PRDM10: variants seen among roughly 807,000 people sequenced by gnomAD.
The protein encoded by PRDM10 is PR domain zinc finger protein 10.
A neutral mutation model predicts 133.1 loss-of-function variants in PRDM10; 65 were observed. The ratio of observed to expected loss-of-function variants is 0.49; its 90% CI spans 0.40 to 0.60. PRDM10 has a LOEUF of 0.60. PRDM10 is among the 20% of genes least tolerant of loss of function. PRDM10 has a pLI of 0.00. For missense variants in PRDM10, 1,137 were observed against 1,507.1 expected, an observed-to-expected ratio of 0.75 and a Z score of 4.07; for synonymous variants, 582 against 580.4, an observed-to-expected ratio of 1.00 and a Z score of -0.04.
chr11:129,951,460 T>C (rs574911828), intron 4 of PRDM10, among the ~76,000 whole-genome samples: 34 of 152,344 alleles, frequency 2.2e-4, no homozygotes, highest in African/African-American at 8.2e-4. Context: ...AGTGTCTGTC[T>C]GTTTCACTTA....
rs1270734822 is a variant in PRDM10 at position 129,925,049 on chromosome 11, A to G, written c.1711T>C (p.Leu571=). The part of the protein sequence containing the change: ...CNKGFISSTS[L]ESHMKLHSDQ... ...GAGTGGAGCTTCATGTGGCTCTCCAAGGATGTGCTGCTGATGAAGCCCTTG... is the reference window on the plus strand; with the variant it reads ...GAGTGGAGCTTCATGTGGCTCTCCAGGGATGTGCTGCTGATGAAGCCCTTG... Residue 571 remains leucine (L), a synonymous_variant, in exon 12 of 21, where the codon TTG becomes CTG. Transcript: ENST00000360871. The G allele has an allele frequency of 1.9e-6, 3 of 1,614,234 alleles. No individual in the cohort carries two copies. Among genetic ancestry groups the G allele is most frequent in the East Asian group, 4.5e-5 (2 of 44,878 alleles).
chr11:129,983,481 G>A (rs187242290), intron 1 of PRDM10, among the ~76,000 whole-genome samples: 3 of 152,022 alleles, frequency 2.0e-5, no homozygotes, highest in African/African-American at 7.2e-5. Flanking sequence ...TGTATTTTTA[G>A]TAGAGACAGG....
intron 1 of PRDM10, among the ~76,000 whole-genome samples, chr11:129,996,037 A>C (rs1377781721): frequency 1.3e-5 from 2 of 152,242 alleles, no homozygotes; most frequent in Non-Finnish European, 2.9e-5. Flanking sequence ...CTTATCCCTC[A>C]AAACATTTTA....
At position 129,966,400 on chromosome 11, in the gene PRDM10, G is replaced by A. The variant is rs77682777; in HGVS notation, c.-118-5318C>T. Reference sequence around the variant, plus strand: ...ATAGGGATCTATTTTACAATCAGTGGCATCTTGCAGTTACTGTCATCCAGG... The same window carrying A: ...ATAGGGATCTATTTTACAATCAGTGACATCTTGCAGTTACTGTCATCCAGG... On this transcript the variant is annotated intron_variant, in intron 1 of 20. Coordinates refer to ENST00000360871, the MANE Select transcript of PRDM10 (RefSeq NM_199437.2). Among the ~76,000 whole-genome samples, 504 of 152,266 alleles carry A rather than the reference G, an allele frequency of 3.3e-3. 2 individuals carry two copies. Among genetic ancestry groups the A allele is most frequent in the African/African-American group, 0.011 (472 of 41,552 alleles).
At chr11:129,955,937 C>T (rs1179383382) in intron 3 of PRDM10, among the ~76,000 whole-genome samples, 2 of 152,040 alleles carry the variant, frequency 1.3e-5, no homozygotes, top group Admixed American at 6.6e-5. Context: ...ACACTGCTCA[C>T]GGGAGTAGAC....
chr11:129,993,922 G>C (rs1335458590), intron 1 of PRDM10, among the ~76,000 whole-genome samples: 3 of 151,972 alleles, frequency 2.0e-5, no homozygotes, highest in African/African-American at 4.8e-5. Flanking sequence ...TTAAATGTGG[G>C]ATTACATTAG....
chr11:129,947,317 C>T lies in PRDM10; in HGVS notation c.348G>A (p.Gly116=). ...QVLPSIESVD[G]SDPLATLQTP... ...TCTGCAGAGTTGCCAAAGGGTCGGACCCATCTACACTCTCGATGGAAGGCA... is the reference window on the plus strand; with the variant it reads ...TCTGCAGAGTTGCCAAAGGGTCGGATCCATCTACACTCTCGATGGAAGGCA... Residue 116 remains glycine (G), a synonymous_variant, in exon 5 of 21, where the codon GGG becomes GGA. Coordinates refer to ENST00000360871, the MANE Select transcript of PRDM10 (RefSeq NM_199437.2). This position sits in a 1 kb window ranked among gnomAD's most constrained non-coding sequence, Gnocchi z 4.6. The T allele has an allele frequency of 1.2e-6, 2 of 1,613,802 alleles. No individual in the cohort carries two copies. Among genetic ancestry groups the T allele is most frequent in the Non-Finnish European group, 1.7e-6 (2 of 1,179,938 alleles).
intron 13 of PRDM10, among the ~76,000 whole-genome samples, chr11:129,920,171 C>G (rs114729575): frequency 0.018 from 2,785 of 152,208 alleles, 86 homozygotes; most frequent in African/African-American, 0.063. Flanking sequence ...ACCAACTGAC[C>G]TTAACCGAAT....
chr11:129,900,024 A>T lies in PRDM10; in HGVS notation c.*2289T>A, dbSNP rs1949802263. On this transcript the variant is annotated 3_prime_UTR_variant, in exon 21 of 21. Coordinates refer to ENST00000360871, the MANE Select transcript of PRDM10 (RefSeq NM_199437.2). ...ATGAAATGTCTATTTCTGTCGGTAC[A>T]AATCAATGATAAAAACAAAATCTAC... The T allele has an allele frequency of 6.6e-6, 1 of 152,656 alleles. No homozygotes were observed. Among genetic ancestry groups the T allele is most frequent in the Non-Finnish European group, 1.5e-5 (1 of 68,046 alleles). 9.5% of individuals were successfully genotyped at this position (152,656 alleles called of 1,614,324 possible).
intron 1 of PRDM10, among the ~76,000 whole-genome samples, chr11:129,991,263 T>G (rs895425070): frequency 1.3e-5 from 2 of 152,364 alleles, no homozygotes; most frequent in Admixed American, 1.3e-4. Context: ...TTTTAATACA[T>G]TTTCATTATT....
chr11:129,915,585 T>C, intron 16 of PRDM10, 75 bp downstream of exon 16: 1 of 1,467,940 alleles, frequency 6.8e-7, no homozygotes, highest in Non-Finnish European at 9.1e-7. Flanking sequence ...GCCATGTGGA[T>C]GAGAAGCCAC....
In PRDM10 at chr11:129,923,415, A is replaced by C. The variant is rs536049991; in HGVS notation, c.1879-12T>G. The C allele has an allele frequency of 1.3e-6, 2 of 1,599,078 alleles. No homozygotes were observed. The highest frequency in any genetic ancestry group is 1.3e-5 in the African/African-American group (1 of 74,262). Reference sequence around the variant, plus strand: ...ACGTGTTTTTTCACCTGGTGATAAGAACCACAGGAAAATTCAGGGGACGCA... The same window carrying C: ...ACGTGTTTTTTCACCTGGTGATAAGCACCACAGGAAAATTCAGGGGACGCA... On this transcript the variant is annotated splice_polypyrimidine_tract_variant and intron_variant, in intron 12 of 20. Transcript: ENST00000360871. The surrounding 1 kb of genome is among the most constrained non-coding windows in gnomAD (Gnocchi z 4.4).
chr11:129,967,241 A>T (rs916356656), intron 1 of PRDM10, among the ~76,000 whole-genome samples: 2 of 151,984 alleles, frequency 1.3e-5, no homozygotes, highest in African/African-American at 4.8e-5. Context: ...AAAATACAAA[A>T]ATTAGCTGGC....
intron 1 of PRDM10, among the ~76,000 whole-genome samples, chr11:129,978,879 G>C (rs1366448306): frequency 6.6e-6 from 1 of 152,096 alleles, no homozygotes; most frequent in Non-Finnish European, 1.5e-5. Flanking sequence ...AAAAAACAAA[G>C]ACCGATCCTC....
chr11:129,942,340 A>G lies in PRDM10; in HGVS notation c.966+86T>C, dbSNP rs544158984. ...CCCCTCCCCCTTTTTTGTTAAACAA[A>G]CCCACTTTAGGAAAATAAAATTGCA... is the stretch of plus-strand genomic sequence containing the variant. On this transcript the variant is annotated intron_variant, in intron 7 of 20. Coordinates refer to ENST00000360871, the MANE Select transcript of PRDM10 (RefSeq NM_199437.2). 3.0e-4 allele frequency: 423 copies of G among 1,425,884 alleles called. 7 individuals carry two copies. The South Asian group carries it at 5.2e-3, about 18-fold the overall frequency. 88.3% of individuals were successfully genotyped at this position (1,425,884 alleles called of 1,614,324 possible).
At chr11:129,940,624 A>G (rs1211070460) in intron 7 of PRDM10, among the ~76,000 whole-genome samples, 1 of 152,226 alleles carries the variant, frequency 6.6e-6, no homozygotes, top group African/African-American at 2.4e-5. Context: ...ACATAGGTAA[A>G]CATGTGCCAT....
chr11:129,996,642 GGA>G (rs1176826971), intron 1 of PRDM10, among the ~76,000 whole-genome samples: 1 of 152,142 alleles, frequency 6.6e-6, no homozygotes, highest in African/African-American at 2.4e-5. Context: ...GGCAGAACTA[GGA>G]GAGGAGGGGA....
chr11:129,932,347 TC>T, intron 9 of PRDM10, 116 bp from the exon 10 acceptor site: 1 of 1,283,862 alleles, frequency 7.8e-7, no homozygotes, highest in Non-Finnish European at 1.0e-6. Context: ...CTTATTACTT[TC>T]CCAGATTTTC....
Position 129,923,538 on chromosome 11 carries a change from G to T in PRDM10, c.1879-135C>A. ...TCAACCCCGCCGAGGAATCCAATCAGATGTGATAATTGGCCTCAATAACAC... is the reference window on the plus strand; with the variant it reads ...TCAACCCCGCCGAGGAATCCAATCATATGTGATAATTGGCCTCAATAACAC... On this transcript the variant is annotated intron_variant, in intron 12 of 20. Transcript: ENST00000360871. The surrounding 1 kb of genome is among the most constrained non-coding windows in gnomAD (Gnocchi z 4.4). 1.1e-6 allele frequency: 1 copy of T among 936,060 alleles called. No homozygotes were observed. The highest frequency in any genetic ancestry group is 1.5e-6 in the Non-Finnish European group (1 of 652,866). The allele number at this position is 936,060 out of a possible 1,614,324, so 58.0% of individuals were successfully genotyped here.
Sources: allele counts gnomAD v4.1 joint callset (sites outside exome capture counted in the v4.1 genomes callset), GRCh38; gene constraint gnomAD v4.1.1; non-coding constraint Gnocchi (gnomAD v3.1); transcripts MANE v1.5; gene names NCBI Gene and HGNC (gene_info 2026-07-23, HGNC 2026-07-21).